The following PACSIN1 variants were observed in gnomAD, a reference collection of about 807,000 sequenced individuals.
PACSIN1 encodes protein kinase C and casein kinase substrate in neurons protein 1.
Under a neutral mutation model 59.5 loss-of-function variants are expected in PACSIN1, and 15 were observed. The ratio of observed to expected loss-of-function variants is 0.25; its 90% CI spans 0.17 to 0.39. The LOEUF is 0.39. Ranked by LOEUF, PACSIN1 falls within the 10% of genes least tolerant of loss-of-function variation. The pLI, the probability that PACSIN1 is intolerant of heterozygous loss-of-function variation, is 1.00. For synonymous variants in PACSIN1, 210 were observed against 220.6 expected (o/e 0.95, Z 0.42); for missense variants, 420 against 580.2 (o/e 0.72, Z 2.84).
chr6:34,513,826 TG>T (rs1438461306), intron 1 of PACSIN1, among the ~76,000 whole-genome samples: 2 of 152,032 alleles, frequency 1.3e-5, no homozygotes, highest in Non-Finnish European at 2.9e-5. Flanking sequence ...GATCCCCAGG[TG>T]GGGCGGAGCA....
chr6:34,507,690 G>A (rs1386460540), intron 1 of PACSIN1, among the ~76,000 whole-genome samples: 1 of 152,084 alleles, frequency 6.6e-6, no homozygotes, highest in Non-Finnish European at 1.5e-5. Flanking sequence ...TATACCCATC[G>A]AATAGCAGCT....
At chr6:34,502,994 C>T (rs539939191) in intron 1 of PACSIN1, among the ~76,000 whole-genome samples, 51 of 152,202 alleles carry the variant, frequency 3.4e-4, no homozygotes, top group African/African-American at 1.0e-3. Context: ...CCGTTGGTCC[C>T]GATGCTTACT....
chr6:34,531,657 T>C lies in PACSIN1; in HGVS notation c.1095T>C (p.Ser365=), dbSNP rs779183175. Residue 365 remains serine, a synonymous_variant, in exon 9 of 10, where the codon AGT becomes AGC. Transcript: ENST00000244458. The surrounding 1 kb of genome is among the most constrained non-coding windows in gnomAD (Gnocchi z 4.4). ...PYATEWSDDE[S]GNPFGGSETN... ...CCACCGAGTGGTCAGACGACGAGAG[T>C]GGGAACCCCTTTGGGGGCAGTGAGA... 13 of 1,609,126 alleles carry C rather than the reference T, an allele frequency of 8.1e-6. No homozygotes were observed. The highest frequency in any genetic ancestry group is 1.1e-5 in the Non-Finnish European group (13 of 1,177,914).
intron 1 of PACSIN1, among the ~76,000 whole-genome samples, chr6:34,490,954 C>A (rs1766867658): frequency 6.6e-6 from 1 of 152,166 alleles, no homozygotes; most frequent in African/African-American, 2.4e-5. Context: ...TGTCCCACCC[C>A]CGCCCTTGGG....
In PACSIN1 at chr6:34,530,149, C is replaced by T; in HGVS notation, c.789-94C>T. 2 of 1,473,834 alleles carry T rather than the reference C, an allele frequency of 1.4e-6. No individual in the cohort carries two copies. The highest frequency in any genetic ancestry group is 1.4e-5 in the African/African-American group (1 of 71,230). 91.3% of individuals were successfully genotyped at this position (1,473,834 alleles called of 1,614,324 possible). On this transcript the variant is annotated intron_variant, in intron 6 of 9. Coordinates refer to ENST00000244458, the MANE Select transcript of PACSIN1 (RefSeq NM_020804.5). The surrounding 1 kb of genome is among the most constrained non-coding windows in gnomAD (Gnocchi z 4.4). ...CTGGCTGGGCAGCATGCCCAGCACC[C>T]TGCTTCCCTGAGTGGACTCTGGCCT...
At chr6:34,477,454 G>C (rs922692765) in intron 1 of PACSIN1, among the ~76,000 whole-genome samples, 2 of 152,294 alleles carry the variant, frequency 1.3e-5, no homozygotes, top group Admixed American at 6.5e-5. Context: ...GTGGCCTGTT[G>C]AGGTGCTGTG....
intron 4 of PACSIN1, 84 bp downstream of exon 4, chr6:34,528,961 T>A: frequency 2.0e-6 from 2 of 995,218 alleles, no homozygotes; most frequent in Non-Finnish European, 3.0e-6. Context: ...CATCTATGGA[T>A]GGGTGGGCTG....
At chr6:34,479,916 CCTG>C (rs1766691187) in intron 1 of PACSIN1, among the ~76,000 whole-genome samples, 1 of 152,012 alleles carries the variant, frequency 6.6e-6, no homozygotes, top group Non-Finnish European at 1.5e-5. Flanking sequence ...ACCTCCGCCT[CCTG>C]GGCTCAAGTG....
chr6:34,507,375 TA>T (rs1465405019), intron 1 of PACSIN1, among the ~76,000 whole-genome samples: 2 of 152,104 alleles, frequency 1.3e-5, no homozygotes, highest in African/African-American at 4.8e-5. Context: ...GTTTTATATA[TA>T]GGGGTGGTTT....
chr6:34,530,238 C>T lies in PACSIN1; in HGVS notation c.789-5C>T, dbSNP rs1246733937. ...CCTCCACCTCCCCCATCTCCCTGAG[C>T]ACAGCTACATCCATGTGTACCGTGA... On this transcript the variant is annotated splice_region_variant and splice_polypyrimidine_tract_variant and intron_variant, in intron 6 of 9. Coordinates refer to ENST00000244458, the MANE Select transcript of PACSIN1 (RefSeq NM_020804.5). The surrounding 1 kb of genome is among the most constrained non-coding windows in gnomAD (Gnocchi z 4.4). 1.2e-6 allele frequency: 2 copies of T among 1,609,420 alleles called. No homozygotes were observed. Among genetic ancestry groups the T allele is most frequent in the South Asian group, 2.2e-5 (2 of 90,632 alleles).
At chr6:34,491,615 CTT>C (rs571524378) in intron 1 of PACSIN1, among the ~76,000 whole-genome samples, 7 of 144,068 alleles carry the variant, frequency 4.9e-5, no homozygotes, top group Admixed American at 6.9e-5. Context: ...ATTTTCTTTT[CTT>C]TTTTTTTTTT....
At chr6:34,473,656 G>GA (rs970932275) in intron 1 of PACSIN1, among the ~76,000 whole-genome samples, 22 of 152,292 alleles carry the variant, frequency 1.4e-4, no homozygotes, top group African/African-American at 5.3e-4. Context: ...CTGACTCACT[G>GA]AGGGGCCTAG....
chr6:34,470,550 C>G (rs1766557555), intron 1 of PACSIN1, among the ~76,000 whole-genome samples: 1 of 152,054 alleles, frequency 6.6e-6, no homozygotes, highest in South Asian at 2.1e-4. Flanking sequence ...GGGTCTTGCT[C>G]TGTCACCCAG....
chr6:34,496,694 G>C (rs1202684839), intron 1 of PACSIN1, among the ~76,000 whole-genome samples: 2 of 152,186 alleles, frequency 1.3e-5, no homozygotes, highest in Admixed American at 6.5e-5. Context: ...AAATGAAATG[G>C]TTAGACCAGA....
chr6:34,501,476 A>G (rs1183287004), intron 1 of PACSIN1, among the ~76,000 whole-genome samples: 1 of 152,244 alleles, frequency 6.6e-6, no homozygotes, highest in African/African-American at 2.4e-5. Context: ...TCAGGGCTAG[A>G]AGCCAGGACC....
At chr6:34,470,309 T>C (rs186803159) in intron 1 of PACSIN1, among the ~76,000 whole-genome samples, 42 of 151,664 alleles carry the variant, frequency 2.8e-4, no homozygotes, top group African/African-American at 9.7e-4. Context: ...GCCTCCTGAG[T>C]AGCTGGGATT....
chr6:34,524,734 T>C (rs887650909), intron 1 of PACSIN1, among the ~76,000 whole-genome samples: 6 of 152,236 alleles, frequency 3.9e-5, no homozygotes, highest in Non-Finnish European at 8.8e-5. Flanking sequence ...AGTAAATTCC[T>C]AGAAGTGGTG....
At chr6:34,475,570 G>T (rs1323390985) in intron 1 of PACSIN1, among the ~76,000 whole-genome samples, 2 of 152,208 alleles carry the variant, frequency 1.3e-5, no homozygotes, top group African/African-American at 2.4e-5. Flanking sequence ...CCCTTAGCTG[G>T]TGGTCATTGT....
At chr6:34,499,203 C>A (rs1272685222) in intron 1 of PACSIN1, among the ~76,000 whole-genome samples, 1 of 151,860 alleles carries the variant, frequency 6.6e-6, no homozygotes, top group Non-Finnish European at 1.5e-5. Flanking sequence ...AGTGTGCAAC[C>A]TAGATCCCTC....
Sources: gnomAD v4.1 joint callset for allele counts (sites outside exome capture counted in the v4.1 genomes callset) on GRCh38, gnomAD v4.1.1 for gene constraint, Gnocchi (gnomAD v3.1) non-coding constraint, MANE v1.5 for transcripts, NCBI Gene and HGNC (gene_info 2026-07-23, HGNC 2026-07-21) for gene names.